The following RSPH1 variants were observed in gnomAD, a reference collection of about 807,000 sequenced individuals.
RSPH1 encodes the protein radial spoke head 1 homolog.
RSPH1 carries 32 observed loss-of-function variants against 44.2 expected under a neutral mutation model. That is an observed-to-expected ratio of 0.72 (90% CI 0.55 to 0.97). The LOEUF (loss-of-function observed/expected upper bound fraction) is 0.97, where lower values mean the gene tolerates loss of function less well. Among genes scored for constraint, RSPH1 ranks in the 50% least tolerant of loss-of-function variants. The probability of loss-of-function intolerance (pLI) is 0.00; values close to 1 mark genes in which losing one functional copy is unlikely to be tolerated. For synonymous variants in RSPH1, 134 were observed against 147.3 expected (o/e 0.91, Z 0.65); for missense variants, 391 against 398.7 (o/e 0.98, Z 0.16).
At chr21:42,475,746 G>T in intron 8 of RSPH1, 152 bp downstream of exon 8, 2 of 617,444 alleles carry the variant, frequency 3.2e-6, no homozygotes, top group Non-Finnish European at 5.1e-6. Flanking sequence ...TTCTGAGATG[G>T]CTCCAGTGAG....
intron 1 of RSPH1, among the ~76,000 whole-genome samples, chr21:42,493,888 C>T (rs1377140224): frequency 6.6e-6 from 1 of 152,278 alleles, no homozygotes; most frequent in South Asian, 2.1e-4. Flanking sequence ...GTAGCTGAGA[C>T]TATAGGCATG....
intron 6 of RSPH1, among the ~76,000 whole-genome samples, chr21:42,481,193 T>C (rs1319175753): frequency 6.6e-6 from 1 of 152,090 alleles, no homozygotes; most frequent in Non-Finnish European, 1.5e-5. Context: ...ACACAAGAAC[T>C]GGTTGTTAAA....
At position 42,492,832 on chromosome 21, in the gene RSPH1, T is replaced by C; in HGVS notation, c.200A>G (p.Tyr67Cys). Residue 67 changes from tyrosine (Y) to cysteine (C), a missense_variant, in exon 3 of 9, where the codon TAT becomes TGT. Tyr to Cys is a radical substitution (Grantham distance 194). Transcript: ENST00000291536. ...TTTATTTCTAACATATTCTCCGATA[T>C]ATCGAGCACCATTTTTAAATTTGTA... ...GIYKFKNGAR[Y>C]IGEYVRNKKH... 6.2e-7 allele frequency: 1 copy of C among 1,613,488 alleles called. No individual in the cohort carries two copies. Among genetic ancestry groups the C allele is most frequent in the Non-Finnish European group, 8.5e-7 (1 of 1,179,368 alleles).
At chr21:42,476,787 G>C (rs183191349) in intron 7 of RSPH1, among the ~76,000 whole-genome samples, 22 of 152,212 alleles carry the variant, frequency 1.4e-4, no homozygotes, top group African/African-American at 4.6e-4. Flanking sequence ...AATCAACTCT[G>C]TTTCTTTCCT....
At chr21:42,482,530 A>G (rs2054138751) in intron 6 of RSPH1, 107 bp downstream of exon 6, 2 of 720,810 alleles carry the variant, frequency 2.8e-6, no homozygotes, top group African/African-American at 1.8e-5. Flanking sequence ...AGTGCCTAAG[A>G]GTTGGCATAA....
intron 3 of RSPH1, among the ~76,000 whole-genome samples, chr21:42,487,417 T>C (rs1396681941): frequency 6.6e-6 from 1 of 152,192 alleles, no homozygotes; most frequent in African/African-American, 2.4e-5. Flanking sequence ...TGTTGATCAA[T>C]TTGTTGATCA....
At chr21:42,482,814 G>T in intron 5 of RSPH1, 106 bp from the exon 6 acceptor site, 1 of 732,274 alleles carries the variant, frequency 1.4e-6, no homozygotes, top group Non-Finnish European at 2.3e-6. Context: ...ATTGGGTAAA[G>T]TGTAACATGG....
rs757728115 is a variant in RSPH1, at chr21:42,492,982, C to T, written c.152G>A (p.Gly51Asp). Residue 51 changes from glycine (G) to aspartate (D), a missense_variant, in exon 2 of 9, where the codon GGT (glycine) becomes GAT (aspartate). Gly to Asp is a moderately conservative substitution (Grantham distance 94). Transcript: ENST00000291536. ...GDTYEGSYEF[G>D]KRHGQGIYKF... ...GGTTCTGACCTGGCCATGTCTTTTA[C>T]CGAATTCGTAGCTCCCTTCGTAGGT... 7.4e-6 allele frequency: 12 copies of T among 1,614,016 alleles called. No homozygotes were observed. The African/African-American group carries it at 9.3e-5, about 13-fold the overall frequency.
At chr21:42,495,905 A>G in intron 1 of RSPH1, 1 of 541,974 alleles carries the variant, frequency 1.8e-6, no homozygotes. Context: ...GGGGTGGGGG[A>G]AGAACGAGGC....
chr21:42,492,089 AAC>A (rs1274115791), intron 3 of RSPH1, among the ~76,000 whole-genome samples: 1 of 152,216 alleles, frequency 6.6e-6, no homozygotes, highest in East Asian at 1.9e-4. Flanking sequence ...AAAAGCCCAG[AAC>A]ACAGAATTTT....
At position 42,474,846 on chromosome 21, in the gene RSPH1, C is replaced by G. The variant is rs1002768568; in HGVS notation, c.877+1052G>C. On this transcript the variant is annotated intron_variant, in intron 8 of 8. Transcript: ENST00000291536. The surrounding 1 kb of genome is among the most constrained non-coding windows in gnomAD (Gnocchi z 5.2). The stretch of plus-strand genomic sequence containing the variant: ...CGATCACGAAAGTCTATGTGTGCTT[C>G]AAGCATCTAAGAGAAAACTGCTTTA... Among the ~76,000 whole-genome samples the G allele has an allele frequency of 6.8e-6, 1 of 147,970 alleles. No homozygotes were observed. Among genetic ancestry groups the G allele is most frequent in the African/African-American group, 2.7e-5 (1 of 37,542 alleles).
chr21:42,489,756 T>C (rs1056196716), intron 3 of RSPH1, among the ~76,000 whole-genome samples: 7 of 151,828 alleles, frequency 4.6e-5, no homozygotes, highest in African/African-American at 1.7e-4. Context: ...AGAGACTGCA[T>C]GCATTCCCCA....
intron 7 of RSPH1, among the ~76,000 whole-genome samples, chr21:42,476,973 T>G (rs111387571): frequency 1.2e-5 from 1 of 84,440 alleles, no homozygotes; most frequent in East Asian, 3.4e-4. Flanking sequence ...TCCCACAGCC[T>G]GGGGATGCCC....
rs1230711489 is a variant in RSPH1 at position 42,472,685 on chromosome 21, C to T, written c.*133G>A. 4 of 653,682 alleles carry T rather than the reference C, an allele frequency of 6.1e-6. No homozygotes were observed. Among genetic ancestry groups the T allele is most frequent in the Non-Finnish European group, 1.1e-5 (4 of 374,468 alleles). 40.5% of individuals were successfully genotyped at this position (653,682 alleles called of 1,614,324 possible). On this transcript the variant is annotated 3_prime_UTR_variant, in exon 9 of 9. Transcript: ENST00000291536. ...GTGGCGCGATCTCCACTCACTGCAA[C>T]TGCCACTTTCTGGACTCAAGCAATC...
Position 42,491,486 on chromosome 21 carries a change from C to T in RSPH1, c.274+1272G>A, listed in dbSNP as rs1008770770. On this transcript the variant is annotated intron_variant, in intron 3 of 8. Transcript: ENST00000291536. ...GTGTGTGTTGTTCAAATTGTATCAA[C>T]ATCTACACTAAAATCAAAAGTGACA... is the stretch of plus-strand genomic sequence containing the variant. Among the ~76,000 whole-genome samples the T allele has an allele frequency of 2.0e-5, 3 of 151,818 alleles. No individual in the cohort carries two copies. In the South Asian group the frequency reaches 6.3e-4, roughly 32 times the overall value.
At position 42,475,769 on chromosome 21, in the gene RSPH1, G is replaced by A. The variant is rs531212666; in HGVS notation, c.877+129C>T. On this transcript the variant is annotated intron_variant, in intron 8 of 8. Transcript: ENST00000291536. ...TGGCTCCAGTGAGCGCTCACAGGGG[G>A]CCCCCTAAGCCTTCCTCGAGTCCCT... is the stretch of plus-strand genomic sequence containing the variant. The A allele has an allele frequency of 5.3e-6, 5 of 951,804 alleles. No individual in the cohort carries two copies. In the East Asian group the frequency reaches 7.8e-5, roughly 15 times the overall value. 59.0% of individuals were successfully genotyped at this position (951,804 alleles called of 1,614,324 possible). A position where few individuals can be genotyped will look rare whatever the true frequency, so the allele number is the denominator to read the frequency against.
chr21:42,486,446 T>C lies in RSPH1; in HGVS notation c.290A>G (p.Asp97Gly). 1 of 1,613,834 alleles carries C rather than the reference T, an allele frequency of 6.2e-7. No homozygotes were observed. The change falls in exon 4 of 9, where the codon GAC becomes GGC. Residue 97 changes from aspartate (D) to glycine (G), a missense_variant. Physicochemically the swap from Asp to Gly is moderately conservative, Grantham distance 94 (BLOSUM62 -1). Transcript: ENST00000291536. ...GTATACGCCATGGCCGTGCCGCAGG[T>C]CATTTGCCCACTCTCCTGAAAGGAA... ...GSRYEGEWAN[D>G]LRHGHGVYYY...
chr21:42,490,764 C>T (rs1182800540), intron 3 of RSPH1, among the ~76,000 whole-genome samples: 3 of 152,194 alleles, frequency 2.0e-5, no homozygotes, highest in Non-Finnish European at 4.4e-5. Context: ...CACACCTGAA[C>T]TTATGCAAAT....
intron 6 of RSPH1, among the ~76,000 whole-genome samples, chr21:42,477,770 G>A (rs1441097801): frequency 6.6e-6 from 1 of 152,226 alleles, no homozygotes; most frequent in Non-Finnish European, 1.5e-5. Flanking sequence ...CCAGGACTAA[G>A]TGGCCAGAAC....
Sources: gnomAD v4.1 joint callset for allele counts (sites outside exome capture counted in the v4.1 genomes callset) on GRCh38, gnomAD v4.1.1 for gene constraint, Gnocchi (gnomAD v3.1) non-coding constraint, MANE v1.5 for transcripts, NCBI Gene and HGNC (gene_info 2026-07-23, HGNC 2026-07-21) for gene names.